Variants in FBXL17 observed in about 807,000 individuals in gnomAD.
FBXL17 encodes F-box/LRR-repeat protein 17.
In FBXL17, 22 loss-of-function variants were observed where a neutral mutation model predicts 66.2. The ratio of observed to expected loss-of-function variants is 0.33; its 90% CI spans 0.24 to 0.47. FBXL17 has a LOEUF of 0.47. FBXL17 is among the 20% of genes least tolerant of loss of function. The probability of loss-of-function intolerance (pLI) is 1.00; values close to 1 mark genes in which losing one functional copy is unlikely to be tolerated. For synonymous variants in FBXL17, 474 were observed against 400.5 expected (o/e 1.18, Z -2.19); for missense variants, 878 against 948.2 (o/e 0.93, Z 0.97).
intron 5 of FBXL17, among the ~76,000 whole-genome samples, chr5:108,205,797 T>G (rs1447020542): frequency 2.6e-5 from 4 of 152,116 alleles, no homozygotes; most frequent in Non-Finnish European, 5.9e-5. Context: ...TGGCATGATC[T>G]CAGCTCACTG....
intron 6 of FBXL17, among the ~76,000 whole-genome samples, chr5:108,178,294 C>G (rs1752873734): frequency 6.6e-6 from 1 of 152,108 alleles, no homozygotes; most frequent in African/African-American, 2.4e-5. Flanking sequence ...GTAGTCCACC[C>G]TCCTTGGCCT....
intron 7 of FBXL17, among the ~76,000 whole-genome samples, chr5:107,910,425 A>T (rs1392915326): frequency 6.6e-6 from 1 of 152,118 alleles, no homozygotes; most frequent in Non-Finnish European, 1.5e-5. Context: ...GATTCTCACT[A>T]AAAAGTATCC....
chr5:108,049,241 C>T (rs1747377904), intron 6 of FBXL17, among the ~76,000 whole-genome samples: 2 of 151,946 alleles, frequency 1.3e-5, no homozygotes, highest in Non-Finnish European at 2.9e-5. Flanking sequence ...CTCCCAGGTT[C>T]AAGCAATTCC....
At chr5:108,309,556 A>G (rs2150195202) in intron 4 of FBXL17, among the ~76,000 whole-genome samples, 1 of 152,192 alleles carries the variant, frequency 6.6e-6, no homozygotes, top group East Asian at 1.9e-4. Flanking sequence ...ATATCAAATA[A>G]ATTAATATAT....
intron 7 of FBXL17, among the ~76,000 whole-genome samples, chr5:107,923,257 C>A (rs1162485419): frequency 6.6e-6 from 1 of 152,126 alleles, no homozygotes; most frequent in Non-Finnish European, 1.5e-5. Context: ...CAGGAAAGCA[C>A]AAACTGGGTT....
chr5:108,200,488 G>A (rs1362712402), intron 5 of FBXL17, among the ~76,000 whole-genome samples: 1 of 150,980 alleles, frequency 6.6e-6, no homozygotes, highest in African/African-American at 2.4e-5. Flanking sequence ...CTTTGCCTGA[G>A]AAACCCACAG....
At chr5:108,378,320 G>T (rs1280307635) in intron 1 of FBXL17, among the ~76,000 whole-genome samples, 2 of 109,278 alleles carry the variant, frequency 1.8e-5, no homozygotes, top group African/African-American at 4.3e-5. Flanking sequence ...TACCTGCCTC[G>T]TTTTTGTTTT....
At chr5:108,009,298 T>TATATAC (rs1554056628) in intron 7 of FBXL17, among the ~76,000 whole-genome samples, 4 of 71,414 alleles carry the variant, frequency 5.6e-5, no homozygotes, top group Admixed American at 1.6e-4. Context: ...TATATATATA[T>TATATAC]ATACATATAT....
At chr5:108,002,616 T>C (rs964912637) in intron 7 of FBXL17, among the ~76,000 whole-genome samples, 9 of 151,928 alleles carry the variant, frequency 5.9e-5, no homozygotes, top group African/African-American at 1.9e-4. Flanking sequence ...AGTGAAAAAG[T>C]AGAAATAACC....
chr5:108,017,678 T>C (rs1056234872), intron 7 of FBXL17, among the ~76,000 whole-genome samples: 3 of 152,198 alleles, frequency 2.0e-5, no homozygotes, highest in Admixed American at 2.0e-4. Context: ...TGATTTTTTT[T>C]CCACAACACT....
rs548721310 is a variant in FBXL17, at chr5:108,161,551, C to T, written c.1745+24566G>A. 2.1e-3 allele frequency among the ~76,000 whole-genome samples: 235 copies of T among 109,702 alleles called. 1 individual carries two copies. Among genetic ancestry groups the T allele is most frequent in the African/African-American group, 7.3e-3 (211 of 28,780 alleles). The allele number at this position is 109,702 out of a possible 152,430, so 72.0% of individuals were successfully genotyped here. ...AGTTGATTCTTTTCACAAATTGCTA[C>T]CCATTTGCATCCCAAGATCTACACA... On this transcript the variant is annotated intron_variant, in intron 6 of 8. Coordinates refer to ENST00000542267, the MANE Select transcript of FBXL17 (RefSeq NM_001163315.3).
At chr5:108,090,383 G>A (rs1223335951) in intron 6 of FBXL17, among the ~76,000 whole-genome samples, 1 of 152,028 alleles carries the variant, frequency 6.6e-6, no homozygotes, top group African/African-American at 2.4e-5. Context: ...CCTGAATCAA[G>A]ACCACCCTTT....
intron 4 of FBXL17, chr5:108,298,724 TAATTC>T (rs1758452250): frequency 2.6e-6 from 2 of 757,812 alleles, no homozygotes; most frequent in South Asian, 1.2e-4. Context: ...TTATAATTCC[TAATTC>T]AATTTAATTT....
At chr5:108,047,922 A>G (rs1167007096) in intron 6 of FBXL17, among the ~76,000 whole-genome samples, 2 of 152,082 alleles carry the variant, frequency 1.3e-5, no homozygotes, top group African/African-American at 4.8e-5. Flanking sequence ...AGCGAAGCAC[A>G]CCCCTCCACC....
chr5:107,935,332 C>T (rs1750864519), intron 7 of FBXL17, among the ~76,000 whole-genome samples: 1 of 151,264 alleles, frequency 6.6e-6, no homozygotes, highest in East Asian at 1.9e-4. Context: ...AAAAACACAC[C>T]AAAGAAAACA....
chr5:108,104,559 A>G (rs1749720199), intron 6 of FBXL17, among the ~76,000 whole-genome samples: 1 of 152,228 alleles, frequency 6.6e-6, no homozygotes, highest in African/African-American at 2.4e-5. Context: ...GAGAAGAACA[A>G]AAGTTTGAGA....
intron 7 of FBXL17, among the ~76,000 whole-genome samples, chr5:107,955,542 T>C (rs1049993546): frequency 6.6e-6 from 1 of 152,322 alleles, no homozygotes; most frequent in South Asian, 2.1e-4. Flanking sequence ...GATCATCCTA[T>C]TGATAAGGTC....
intron 6 of FBXL17, among the ~76,000 whole-genome samples, chr5:108,160,002 T>C (rs985088999): frequency 1.9e-4 from 22 of 112,848 alleles, no homozygotes; most frequent in African/African-American, 7.8e-4. Context: ...CATGATTACA[T>C]AGATATCCCT....
Position 108,381,756 on chromosome 5 carries a change from G to A in FBXL17, c.-65C>T. On this transcript the variant is annotated 5_prime_UTR_variant, in exon 1 of 9. Transcript: ENST00000542267. Reference sequence around the variant, plus strand: ...GGAGACCCAGAGAGGCGGGCTCCCGGCAGCGGGGCAGGCCGCTCGCTGGCT... The same window carrying A: ...GGAGACCCAGAGAGGCGGGCTCCCGACAGCGGGGCAGGCCGCTCGCTGGCT... 2 of 1,376,578 alleles carry A rather than the reference G, an allele frequency of 1.5e-6. No individual in the cohort carries two copies. The highest frequency in any genetic ancestry group is 1.6e-5 in the South Asian group (1 of 61,870). The allele number at this position is 1,376,578 out of a possible 1,614,324, so 85.3% of individuals were successfully genotyped here.
Sources: gnomAD v4.1 joint callset for allele counts (sites outside exome capture counted in the v4.1 genomes callset) on GRCh38, gnomAD v4.1.1 for gene constraint, MANE v1.5 for transcripts, NCBI Gene and HGNC (gene_info 2026-07-23, HGNC 2026-07-21) for gene names.